Variants in ARHGEF37 observed in about 807,000 individuals in gnomAD.
The protein encoded by ARHGEF37 is Rho guanine nucleotide exchange factor 37.
Under a neutral mutation model 71.1 loss-of-function variants are expected in ARHGEF37, and 55 were observed. That is an observed-to-expected ratio of 0.77 (90% CI 0.62 to 0.97). The LOEUF (loss-of-function observed/expected upper bound fraction) is 0.97. Ranked by LOEUF, ARHGEF37 falls within the 50% of genes least tolerant of loss-of-function variation. The pLI is 0.00. For missense variants in ARHGEF37, 765 were observed against 836.8 expected (o/e 0.91, Z 1.06); for synonymous variants, 327 against 350.6 (o/e 0.93, Z 0.75).
chr5:149,583,471 A>G (rs983627719), intron 1 of ARHGEF37, among the ~76,000 whole-genome samples: 5 of 152,124 alleles, frequency 3.3e-5, no homozygotes, highest in African/African-American at 9.7e-5. Context: ...GAAAGAGGAC[A>G]TAAACTGGGA....
intron 1 of ARHGEF37, among the ~76,000 whole-genome samples, chr5:149,564,925 T>C (rs929532992): frequency 2.6e-5 from 4 of 152,268 alleles, no homozygotes; most frequent in African/African-American, 9.6e-5. Flanking sequence ...TTAATGATTA[T>C]ACAATGCTGC....
At chr5:149,631,888 C>A in intron 12 of ARHGEF37, 94 bp from the exon 13 acceptor site, 1 of 1,312,858 alleles carries the variant, frequency 7.6e-7, no homozygotes, top group Non-Finnish European at 1.1e-6. Context: ...GGACGAGAGC[C>A]AGGTGGATGG....
chr5:149,626,886 A>G (rs1284294689), intron 10 of ARHGEF37, 190 bp from the exon 11 acceptor site: 1 of 447,378 alleles, frequency 2.2e-6, no homozygotes, highest in Non-Finnish European at 3.9e-6. Context: ...TTCTTCCAAA[A>G]CGCCGTAGGC....
At chr5:149,581,798 A>G (rs1035736546) in intron 1 of ARHGEF37, among the ~76,000 whole-genome samples, 174 bp downstream of exon 1, 2 of 152,126 alleles carry the variant, frequency 1.3e-5, no homozygotes, top group African/African-American at 2.4e-5. Flanking sequence ...CCTTATGAGA[A>G]TGTAAGCCAC....
chr5:149,562,138 GC>G (rs1393248034), intron 1 of ARHGEF37, among the ~76,000 whole-genome samples: 1 of 152,156 alleles, frequency 6.6e-6, no homozygotes, highest in Non-Finnish European at 1.5e-5. Context: ...CTCCATTTCA[GC>G]CTGGCTAAGC....
chr5:149,567,451 G>A (rs941264275), intron 1 of ARHGEF37, among the ~76,000 whole-genome samples: 24 of 152,110 alleles, frequency 1.6e-4, no homozygotes, highest in Non-Finnish European at 4.4e-5. Flanking sequence ...AAGGTATTTT[G>A]AGACTACATA....
chr5:149,572,305 G>A (rs1762977605), intron 1 of ARHGEF37, among the ~76,000 whole-genome samples: 1 of 152,200 alleles, frequency 6.6e-6, no homozygotes, highest in African/African-American at 2.4e-5. Flanking sequence ...AACATGGGAT[G>A]TATTGACTTA....
At position 149,609,699 on chromosome 5, in the gene ARHGEF37, A is replaced by C; in HGVS notation, c.458+4A>C. The C allele has an allele frequency of 6.2e-7, 1 of 1,612,156 alleles. No individual in the cohort carries two copies. The highest frequency in any genetic ancestry group is 8.5e-7 in the Non-Finnish European group (1 of 1,179,974). The stretch of plus-strand genomic sequence containing the variant: ...AGGGCATCGTTGAGGCGGTGGTGTG[A>C]GTAGAACGGCCAGTGAGCACTCGCT... On this transcript the variant is annotated splice_donor_region_variant and intron_variant, in intron 4 of 12. Transcript: ENST00000333677.
In ARHGEF37 at chr5:149,598,003, G is replaced by A; in HGVS notation, c.186+48G>A. 2.7e-6 allele frequency: 4 copies of A among 1,497,706 alleles called. No individual in the cohort carries two copies. In the Middle Eastern group the frequency reaches 6.9e-4, roughly 258 times the overall value. 92.8% of individuals were successfully genotyped at this position (1,497,706 alleles called of 1,614,324 possible). A position where few individuals can be genotyped will look rare whatever the true frequency, so the allele number is the denominator to read the frequency against. Reference sequence around the variant, plus strand: ...AACCTGTCTTTATAGGGGCAAATGTGGGTCCCAGCTTCTGAGATTTCTCAT... The same window carrying A: ...AACCTGTCTTTATAGGGGCAAATGTAGGTCCCAGCTTCTGAGATTTCTCAT... On this transcript the variant is annotated intron_variant, in intron 2 of 12. Transcript: ENST00000333677.
At chr5:149,623,825 G>A (rs887727895) in intron 9 of ARHGEF37, among the ~76,000 whole-genome samples, 187 bp from the exon 10 acceptor site, 2 of 152,198 alleles carry the variant, frequency 1.3e-5, no homozygotes, top group Non-Finnish European at 2.9e-5. Flanking sequence ...CTGGTGACAA[G>A]CTGTGGCATC....
intron 11 of ARHGEF37, among the ~76,000 whole-genome samples, chr5:149,627,796 C>A (rs912517450): frequency 6.6e-6 from 1 of 152,186 alleles, no homozygotes; most frequent in Non-Finnish European, 1.5e-5. Flanking sequence ...CACCATGAAT[C>A]CAGGTGATAT....
At position 149,620,474 on chromosome 5, in the gene ARHGEF37, A is replaced by T; in HGVS notation, c.1005+10A>T. 6.3e-7 allele frequency: 1 copy of T among 1,578,334 alleles called. No individual in the cohort carries two copies. The highest frequency in any genetic ancestry group is 8.7e-7 in the Non-Finnish European group (1 of 1,151,798). On this transcript the variant is annotated intron_variant, in intron 8 of 12. Transcript: ENST00000333677. ...GGCCTTCCTGAAATTTGTGAGTGGA[A>T]CCTTTCCTTTCTCCTTTCTTTGTTA... is the stretch of plus-strand genomic sequence containing the variant.
intron 4 of ARHGEF37, among the ~76,000 whole-genome samples, chr5:149,613,410 A>G (rs997377586): frequency 6.6e-6 from 1 of 151,088 alleles, no homozygotes; most frequent in African/African-American, 2.4e-5. Context: ...GCAGTGGTGC[A>G]ATCTCAGCTC....
At chr5:149,577,804 G>T (rs1763043338), upstream of ARHGEF37, among the ~76,000 whole-genome samples, 1 of 152,248 alleles carries the variant, frequency 6.6e-6, no homozygotes, top group African/African-American at 2.4e-5. Flanking sequence ...ACAGGACATT[G>T]TGTAAAGCAG....
chr5:149,576,205 A>G (rs996861454), intron 1 of ARHGEF37, among the ~76,000 whole-genome samples: 1 of 152,240 alleles, frequency 6.6e-6, no homozygotes, highest in African/African-American at 2.4e-5. Flanking sequence ...ACATCATGCC[A>G]TTGCACTCCA....
chr5:149,598,084 G>A, intron 2 of ARHGEF37, 129 bp downstream of exon 2: 1 of 1,133,042 alleles, frequency 8.8e-7, no homozygotes, highest in Non-Finnish European at 1.2e-6. Context: ...AAGTCTGACA[G>A]ACCTGGATGT....
upstream of ARHGEF37, among the ~76,000 whole-genome samples, chr5:149,579,674 A>G (rs1401816972): frequency 6.6e-6 from 1 of 151,992 alleles, no homozygotes; most frequent in Non-Finnish European, 1.5e-5. Flanking sequence ...CTCTGCCTCC[A>G]GTGCTCAAGC....
intron 1 of ARHGEF37, among the ~76,000 whole-genome samples, chr5:149,554,071 G>A (rs1561779670): frequency 6.6e-6 from 1 of 152,208 alleles, no homozygotes; most frequent in Non-Finnish European, 1.5e-5. Flanking sequence ...GGGAGGCTGA[G>A]GCATGAGAAT....
chr5:149,591,594 T>C (rs1339201703), intron 1 of ARHGEF37, among the ~76,000 whole-genome samples: 1 of 152,216 alleles, frequency 6.6e-6, no homozygotes, highest in East Asian at 1.9e-4. Flanking sequence ...ATTGCAAAGA[T>C]AGTGAATAAC....
Sources: allele counts gnomAD v4.1 joint callset (sites outside exome capture counted in the v4.1 genomes callset), GRCh38; gene constraint gnomAD v4.1.1; transcripts MANE v1.5; gene names NCBI Gene and HGNC (gene_info 2026-07-23, HGNC 2026-07-21).